Variants in MET observed in about 807,000 individuals in gnomAD.
MET encodes the protein hepatocyte growth factor receptor.
In MET, 48 loss-of-function variants were observed where a neutral mutation model predicts 133.1. That is an observed-to-expected ratio of 0.36 (90% CI 0.29 to 0.46). The LOEUF (loss-of-function observed/expected upper bound fraction) is 0.46, where lower values mean the gene tolerates loss of function less well. MET is among the 20% of genes least tolerant of loss of function. The probability of loss-of-function intolerance (pLI) is 1.00; values close to 1 mark genes in which losing one functional copy is unlikely to be tolerated. For synonymous variants in MET, 628 were observed against 616.5 expected (o/e 1.02, Z -0.28); for missense variants, 1,442 against 1,695.9 (o/e 0.85, Z 2.63).
Position 116,700,185 on chromosome 7 carries a change from C to G in MET, c.1101C>G (p.Ile367Met), listed in dbSNP as rs747940150. Reference protein sequence around the residue: ...MDRSAMCAFPIKYVNDFFNKI... With the variant: ...MDRSAMCAFPMKYVNDFFNKI... ...GATCTGCCATGTGTGCATTCCCTAT[C>G]AAATATGTCAACGACTTCTTCAACA... The change falls in exon 2 of 21, where the codon ATC (isoleucine) becomes ATG (methionine). Residue 367 changes from isoleucine to methionine, a missense_variant. Ile to Met is a conservative substitution (Grantham distance 10). Around this residue, in one of 6 missense-constraint regions of MET, gnomAD observed 762 missense variants for 792.4 expected, o/e 0.96. Transcript: ENST00000397752. 6.3e-7 allele frequency: 1 copy of G among 1,592,714 alleles called. No homozygotes were observed. Among genetic ancestry groups the G allele is most frequent in the East Asian group, 2.2e-5 (1 of 44,746 alleles).
At chr7:116,769,094 T>C (rs917571337) in intron 11 of MET, among the ~76,000 whole-genome samples, 10 of 151,940 alleles carry the variant, frequency 6.6e-5, no homozygotes, top group African/African-American at 1.7e-4. Context: ...ACTACCCAAC[T>C]CAAACAAAAA....
At position 116,797,977 on chromosome 7, in the gene MET, T is replaced by G. The variant is rs1795728069; in HGVS notation, c.*1853T>G. 1 of 220,738 alleles carries G rather than the reference T, an allele frequency of 4.5e-6. No individual in the cohort carries two copies. Among genetic ancestry groups the G allele is most frequent in the Non-Finnish European group, 9.1e-6 (1 of 110,092 alleles). The allele number at this position is 220,738 out of a possible 1,614,324, so 13.7% of individuals were successfully genotyped here. On this transcript the variant is annotated 3_prime_UTR_variant, in exon 21 of 21. Coordinates refer to ENST00000397752, the MANE Select transcript of MET (RefSeq NM_000245.4). ...ACAAGGAATTGTACTGAAGAGCTAT[T>G]ACAATCCAAATATTGCCGTTTCATA...
At chr7:116,742,909 C>T (rs1793517913) in intron 5 of MET, among the ~76,000 whole-genome samples, 1 of 152,188 alleles carries the variant, frequency 6.6e-6, no homozygotes, top group African/African-American at 2.4e-5. Context: ...TAGCATTCTT[C>T]CTGCAAAACA....
intron 3 of MET, among the ~76,000 whole-genome samples, chr7:116,734,829 G>A (rs1249386826): frequency 6.6e-6 from 1 of 152,180 alleles, no homozygotes; most frequent in Non-Finnish European, 1.5e-5. Flanking sequence ...AGCTACGTGG[G>A]AGAGGGAAGA....
Position 116,771,854 on chromosome 7 carries a change from G to C in MET, c.2893G>C (p.Gly965Arg), listed in dbSNP as rs1413209214. The C allele has an allele frequency of 6.2e-7, 1 of 1,613,582 alleles. No individual in the cohort carries two copies. The highest frequency in any genetic ancestry group is 8.5e-7 in the Non-Finnish European group (1 of 1,179,830). The change falls in exon 14 of 21, where the codon GGC becomes CGC. Residue 965 changes from glycine to arginine, a missense_variant. This residue lies in a region of MET where 514 missense variants were observed against 659.6 expected (regional missense o/e 0.78). Coordinates refer to ENST00000397752, the MANE Select transcript of MET (RefSeq NM_000245.4). ...TTCTTTCTCTCTGTTTTAAGATCTG[G>C]GCAGTGAATTAGTTCGCTACGATGC... is the stretch of plus-strand genomic sequence containing the variant. ...LKKRKQIKDL[G>R]SELVRYDARV...
At chr7:116,724,090 C>G (rs1026665649) in intron 2 of MET, 2 of 174,896 alleles carry the variant, frequency 1.1e-5, no homozygotes, top group African/African-American at 2.4e-5. Context: ...GCCTCGCTGC[C>G]GCCTTGCGGT....
chr7:116,679,836 A>T (rs927546781), intron 1 of MET, among the ~76,000 whole-genome samples: 1 of 152,216 alleles, frequency 6.6e-6, no homozygotes, highest in African/African-American at 2.4e-5. Flanking sequence ...TGAATTTGAC[A>T]TAGCTTTAAG....
At chr7:116,693,422 T>G (rs921949099) in intron 1 of MET, among the ~76,000 whole-genome samples, 21 of 152,318 alleles carry the variant, frequency 1.4e-4, no homozygotes, top group Middle Eastern at 3.4e-3. Flanking sequence ...TAGGCTGTCA[T>G]GAGCCAGCAC....
At chr7:116,777,362 G>A (rs2117039440) in intron 15 of MET, 27 bp from the exon 16 acceptor site, 1 of 1,588,154 alleles carries the variant, frequency 6.3e-7, no homozygotes, top group Non-Finnish European at 8.6e-7. Flanking sequence ...GTTACGCAGT[G>A]CTAACCAAGT....
At chr7:116,748,319 C>A (rs1008484844) in intron 5 of MET, among the ~76,000 whole-genome samples, 8 of 152,178 alleles carry the variant, frequency 5.3e-5, no homozygotes, top group African/African-American at 1.9e-4. Context: ...ATAACCTGCT[C>A]CTGAATGACT....
Position 116,771,362 on chromosome 7 carries a change from A to T in MET, c.2731-136A>T. ...CTGGAGCATAATTGAGGAATCTCTT[A>T]TTATCCTGAAGGCAGTTATGCCATT... On this transcript the variant is annotated intron_variant, in intron 12 of 20. Coordinates refer to ENST00000397752, the MANE Select transcript of MET (RefSeq NM_000245.4). 26 of 962,416 alleles carry T rather than the reference A, an allele frequency of 2.7e-5. No homozygotes were observed. The South Asian group carries it at 3.6e-4, about 13-fold the overall frequency. 59.6% of individuals were successfully genotyped at this position (962,416 alleles called of 1,614,324 possible).
chr7:116,737,196 TC>T (rs1337012787), intron 3 of MET, among the ~76,000 whole-genome samples: 1 of 152,202 alleles, frequency 6.6e-6, no homozygotes, highest in Non-Finnish European at 1.5e-5. Flanking sequence ...CTCATCTTCA[TC>T]CCATTTTCTA....
rs1009189369 is a variant in MET, at chr7:116,679,816, A to G, written c.-15+7239A>G. Among the ~76,000 whole-genome samples, 14 of 152,216 alleles carry G rather than the reference A, an allele frequency of 9.2e-5. 1 individual carries two copies. The highest frequency in any genetic ancestry group is 2.1e-4 in the Non-Finnish European group (14 of 68,044). On this transcript the variant is annotated intron_variant, in intron 1 of 20. Coordinates refer to ENST00000397752, the MANE Select transcript of MET (RefSeq NM_000245.4). ...TGAATGTGTATTTTCTGGTAACCAG[A>G]CTTCCTATATGAATTTGACATAGCT...
intron 11 of MET, among the ~76,000 whole-genome samples, chr7:116,767,644 GCTCT>G (rs761144580): frequency 7.9e-5 from 12 of 151,922 alleles, no homozygotes; most frequent in Admixed American, 3.9e-4. Context: ...AGATCAGAAA[GCTCT>G]CTCTCTTTTG....
intron 2 of MET, among the ~76,000 whole-genome samples, chr7:116,719,472 G>T (rs1346438165): frequency 6.6e-6 from 1 of 152,116 alleles, no homozygotes; most frequent in Non-Finnish European, 1.5e-5. Flanking sequence ...TTCTTTTGCT[G>T]TGCAGAAGCT....
rs557401337 is a variant in MET, at chr7:116,779,059, A to T, written c.3522+102A>T. ...GTCTTTAAAAAGCTAGTAGCCAAAG[A>T]TGCACATTTAAAATGTTAGCATCAT... On this transcript the variant is annotated intron_variant, in intron 17 of 20. Coordinates refer to ENST00000397752, the MANE Select transcript of MET (RefSeq NM_000245.4). 1.2e-5 allele frequency: 14 copies of T among 1,158,816 alleles called. No individual in the cohort carries two copies. The South Asian group carries it at 1.7e-4, about 14-fold the overall frequency. The allele number at this position is 1,158,816 out of a possible 1,614,324, so 71.8% of individuals were successfully genotyped here. A position where few individuals can be genotyped will look rare whatever the true frequency, so the allele number is the denominator to read the frequency against.
chr7:116,685,284 G>A (rs1796509976), intron 1 of MET, among the ~76,000 whole-genome samples: 1 of 152,108 alleles, frequency 6.6e-6, no homozygotes, highest in East Asian at 1.9e-4. Context: ...TCTACATGCT[G>A]ACAACTTCTT....
chr7:116,735,524 G>A (rs950501441), intron 3 of MET, among the ~76,000 whole-genome samples: 5 of 152,150 alleles, frequency 3.3e-5, no homozygotes, highest in Non-Finnish European at 7.3e-5. Flanking sequence ...TGCTTTCTGT[G>A]AGAAGCCTGT....
Position 116,759,461 on chromosome 7 carries a change from G to T in MET, c.2335G>T (p.Val779Leu). 6.2e-7 allele frequency: 1 copy of T among 1,613,724 alleles called. No homozygotes were observed. Among genetic ancestry groups the T allele is most frequent in the Non-Finnish European group, 8.5e-7 (1 of 1,179,826 alleles). ...SVSVPRMVIN[V>L]HEAGRNFTVA... ...TAGTGTCCCGAGAATGGTCATAAAT[G>T]TGCATGAAGCAGGAAGGAACTTTAC... The change falls in exon 10 of 21, where the codon GTG becomes TTG. Residue 779 changes from valine to leucine, a missense_variant. Val to Leu is a conservative substitution (Grantham distance 32). Coordinates refer to ENST00000397752, the MANE Select transcript of MET (RefSeq NM_000245.4).
Sources: gnomAD v4.1 joint callset for allele counts (sites outside exome capture counted in the v4.1 genomes callset) on GRCh38, gnomAD v4.1.1 for gene constraint, gnomAD v4.1.1 regional missense constraint, MANE v1.5 for transcripts, NCBI Gene and HGNC (gene_info 2026-07-23, HGNC 2026-07-21) for gene names.